GABRA3: variants seen among roughly 807,000 people sequenced by gnomAD.
GABRA3 encodes gamma-aminobutyric acid receptor subunit alpha-3.
GABRA3 carries 10 observed loss-of-function variants against 30.1 expected under a neutral mutation model. The observed-to-expected ratio is 0.33, with a 90% confidence interval of 0.20 to 0.56. The LOEUF (loss-of-function observed/expected upper bound fraction) is 0.56. Among genes scored for constraint, GABRA3 ranks in the 20% least tolerant of loss-of-function variants. The pLI, the probability that GABRA3 is intolerant of heterozygous loss-of-function variation, is 0.89. For missense variants in GABRA3, 233 were observed against 392.0 expected (o/e 0.59, Z 3.42); for synonymous variants, 151 against 146.8 (o/e 1.03, Z -0.21).
At chrX:152,341,727 A>G (rs940689757) in intron 3 of GABRA3, among the ~76,000 whole-genome samples, 2 of 108,266 alleles carry the variant, frequency 1.8e-5, no homozygotes, top group Non-Finnish European at 3.8e-5. Flanking sequence ...TTTTTCGTAG[A>G]GACGGGGTTT....
intron 3 of GABRA3, among the ~76,000 whole-genome samples, chrX:152,315,437 C>T: frequency 9.0e-6 from 1 of 111,442 alleles, no homozygotes; most frequent in East Asian, 2.8e-4. Context: ...GAAAATACCA[C>T]AGGGAGAAGG....
intron 3 of GABRA3, among the ~76,000 whole-genome samples, chrX:152,290,738 C>A (rs1238551991): frequency 1.8e-5 from 2 of 111,888 alleles, no homozygotes; most frequent in Non-Finnish European, 3.8e-5. Flanking sequence ...ATATGGCTAG[C>A]CAGTTTTCCC....
intron 1 of GABRA3, among the ~76,000 whole-genome samples, chrX:152,444,837 G>T (rs1467401568): frequency 1.1e-5 from 1 of 90,893 alleles, no homozygotes; most frequent in Non-Finnish European, 2.2e-5. Flanking sequence ...CGAGGCGGGC[G>T]GATCACGAGG....
At chrX:152,431,585 C>T (rs12688305) in intron 1 of GABRA3, among the ~76,000 whole-genome samples, 4,573 of 111,813 alleles carry the variant, frequency 0.041, 233 homozygotes, top group East Asian at 0.33. Context: ...TGTTATGCTA[C>T]TGGACAAAAA....
intron 9 of GABRA3, among the ~76,000 whole-genome samples, chrX:152,181,090 T>TC (rs1262296425): frequency 0.026 from 1 of 38 alleles, no homozygotes; most frequent in Non-Finnish European, 0.04. Flanking sequence ...ACATTGGAAT[T>TC]TGATAGAGTT....
intron 1 of GABRA3, among the ~76,000 whole-genome samples, chrX:152,387,806 C>A (rs1403227774): frequency 9.0e-6 from 1 of 111,088 alleles, no homozygotes; most frequent in African/African-American, 3.3e-5. Flanking sequence ...GAAGATAGGA[C>A]GAGACAAGAA....
intron 4 of GABRA3, among the ~76,000 whole-genome samples, chrX:152,267,414 T>C (rs1015444652): frequency 2.7e-5 from 3 of 111,873 alleles, no homozygotes; most frequent in African/African-American, 9.7e-5. Context: ...TTTGCTTTGC[T>C]AGTATTTTGT....
chrX:152,171,723 T>C (rs1453317554), intron 9 of GABRA3, among the ~76,000 whole-genome samples: 4 of 111,818 alleles, frequency 3.6e-5, no homozygotes, highest in Non-Finnish European at 5.6e-5. Flanking sequence ...CTTTGCTGCA[T>C]AAATAGCATG....
At chrX:152,352,326 G>T (rs1569405099) in intron 2 of GABRA3, among the ~76,000 whole-genome samples, 1 of 111,892 alleles carries the variant, frequency 8.9e-6, no homozygotes, top group Non-Finnish European at 1.9e-5. Flanking sequence ...GAAATAAATA[G>T]GTAAATAAGA....
At chrX:152,183,918 C>A (rs752524789) in intron 9 of GABRA3, among the ~76,000 whole-genome samples, 11 of 111,071 alleles carry the variant, frequency 9.9e-5, no homozygotes, top group Non-Finnish European at 1.9e-4. Context: ...GAAAGATACT[C>A]GATATAATTT....
intron 4 of GABRA3, among the ~76,000 whole-genome samples, chrX:152,272,339 T>C (rs2124427596): frequency 8.9e-6 from 1 of 112,478 alleles, no homozygotes; most frequent in South Asian, 3.7e-4. Flanking sequence ...GGAGATCATT[T>C]TGGAACTTGA....
At chrX:152,278,893 C>T (rs1312095704) in intron 4 of GABRA3, among the ~76,000 whole-genome samples, 4 of 112,119 alleles carry the variant, frequency 3.6e-5, no homozygotes, top group Non-Finnish European at 7.5e-5. Context: ...TGTCTTTTGG[C>T]TGCATAAATG....
intron 1 of GABRA3, among the ~76,000 whole-genome samples, chrX:152,369,857 T>C (rs984043196): frequency 1.8e-5 from 2 of 111,457 alleles, no homozygotes; most frequent in African/African-American, 6.5e-5. Context: ...AAATAATGAG[T>C]ACTTAATAAA....
At chrX:152,327,959 CT>C (rs2124471451) in intron 3 of GABRA3, among the ~76,000 whole-genome samples, 1 of 110,360 alleles carries the variant, frequency 9.1e-6, no homozygotes, top group East Asian at 2.9e-4. Flanking sequence ...GCTAGCAAGA[CT>C]AAAAAAGAAG....
At chrX:152,266,880 G>A (rs768393524) in intron 4 of GABRA3, among the ~76,000 whole-genome samples, 53 of 111,715 alleles carry the variant, frequency 4.7e-4, no homozygotes, top group Non-Finnish European at 8.1e-4. Flanking sequence ...TCTGCATAGC[G>A]TATAGCAGAT....
At chrX:152,216,716 A>G (rs1052368653) in intron 6 of GABRA3, among the ~76,000 whole-genome samples, 1 of 109,878 alleles carries the variant, frequency 9.1e-6, no homozygotes, top group Non-Finnish European at 1.9e-5. Context: ...GTACAGTTGG[A>G]TAGAAGGAAT....
rs767421848 is a variant in GABRA3 at position 152,325,955 on chromosome X, A to G, written c.262+19626T>C. Among the ~76,000 whole-genome samples the G allele has an allele frequency of 3.6e-5, 4 of 111,388 alleles. No homozygotes were observed. The East Asian group carries it at 8.6e-4, about 24-fold the overall frequency. ...CATCACAAACAAGCTAAAAACCTTG[A>G]AAAAAGATTAGGCGAATGGCTAACT... On this transcript the variant is annotated intron_variant, in intron 3 of 9. Transcript: ENST00000370314.
intron 1 of GABRA3, among the ~76,000 whole-genome samples, chrX:152,409,920 T>C (rs1199715668): frequency 8.9e-6 from 1 of 112,749 alleles, no homozygotes; most frequent in Non-Finnish European, 1.9e-5. Flanking sequence ...GTTATGTTTA[T>C]TGCAGCTGTA....
At chrX:152,346,800 AC>A (rs771717060) in intron 2 of GABRA3, among the ~76,000 whole-genome samples, 1 of 111,535 alleles carries the variant, frequency 9.0e-6, no homozygotes, top group East Asian at 2.8e-4. Context: ...ATATCATCTC[AC>A]CCCAGATGAA....
Sources: gnomAD v4.1 joint callset for allele counts (sites outside exome capture counted in the v4.1 genomes callset) on GRCh38, gnomAD v4.1.1 for gene constraint, MANE v1.5 for transcripts, NCBI Gene and HGNC (gene_info 2026-07-23, HGNC 2026-07-21) for gene names.